Variants in VOPP1 observed in about 807,000 individuals in gnomAD.
VOPP1 encodes the protein WW domain binding protein VOPP1.
Under a neutral mutation model 23.5 loss-of-function variants are expected in VOPP1, and 8 were observed. The ratio of observed to expected loss-of-function variants is 0.34; its 90% CI spans 0.20 to 0.61. The LOEUF is 0.61. Among genes scored for constraint, VOPP1 ranks in the 20% least tolerant of loss-of-function variants. The pLI is 0.78. For synonymous variants in VOPP1, 83 were observed against 97.3 expected (o/e 0.85, Z 0.86); for missense variants, 174 against 238.1 (o/e 0.73, Z 1.77).
intron 4 of VOPP1, among the ~76,000 whole-genome samples, chr7:55,476,401 T>C (rs554570464): frequency 1.0e-4 from 13 of 124,672 alleles, no homozygotes; most frequent in Non-Finnish European, 1.9e-4. Flanking sequence ...GCCACCTCTC[T>C]AGCCCAGCTG....
At chr7:55,535,217 T>C (rs1338751081) in intron 1 of VOPP1, among the ~76,000 whole-genome samples, 1 of 152,240 alleles carries the variant, frequency 6.6e-6, no homozygotes, top group Non-Finnish European at 1.5e-5. Flanking sequence ...CAACTCCTGC[T>C]AGAAAATCTC....
At chr7:55,474,775 CAGG>C (rs1792106373) in intron 4 of VOPP1, among the ~76,000 whole-genome samples, 1 of 152,160 alleles carries the variant, frequency 6.6e-6, no homozygotes, top group Non-Finnish European at 1.5e-5. Context: ...TGGGCATGTC[CAGG>C]AGAAGGCTGC....
intron 4 of VOPP1, among the ~76,000 whole-genome samples, chr7:55,457,768 T>A (rs1791405021): frequency 6.6e-6 from 1 of 152,196 alleles, no homozygotes; most frequent in South Asian, 2.1e-4. Flanking sequence ...TTGAGAAATG[T>A]CTCTTCATGT....
intron 2 of VOPP1, among the ~76,000 whole-genome samples, chr7:55,504,342 G>A (rs1794568589): frequency 6.6e-6 from 1 of 152,204 alleles, no homozygotes. Flanking sequence ...GCTTATCACT[G>A]GCCTTCGAAT....
intron 4 of VOPP1, among the ~76,000 whole-genome samples, chr7:55,479,997 C>T (rs1022821915): frequency 2.6e-5 from 4 of 152,146 alleles, no homozygotes; most frequent in Admixed American, 1.3e-4. Context: ...TAAAATAAAA[C>T]GATCTTTTGT....
intron 2 of VOPP1, among the ~76,000 whole-genome samples, chr7:55,511,637 T>G (rs1241109055): frequency 1.3e-5 from 2 of 152,218 alleles, no homozygotes; most frequent in Non-Finnish European, 2.9e-5. Context: ...AGATGCATAT[T>G]CTGATTGCCT....
intron 1 of VOPP1, among the ~76,000 whole-genome samples, chr7:55,523,141 C>T (rs1795975893): frequency 6.6e-6 from 1 of 152,100 alleles, no homozygotes. Flanking sequence ...CCTGAGGAAC[C>T]CACTCTGCCC....
chr7:55,462,651 TTATA>T (rs1160972188), intron 4 of VOPP1, among the ~76,000 whole-genome samples: 1 of 143,776 alleles, frequency 7.0e-6, no homozygotes, highest in Non-Finnish European at 1.5e-5. Flanking sequence ...AAACTCTTGA[TTATA>T]TTTTTTTTTT....
chr7:55,453,675 C>T (rs757340144), intron 4 of VOPP1, among the ~76,000 whole-genome samples: 2 of 152,112 alleles, frequency 1.3e-5, no homozygotes, highest in Admixed American at 6.5e-5. Flanking sequence ...TCACAGATCA[C>T]CATAACAGTT....
At chr7:55,556,334 C>A (rs1394961312) in intron 1 of VOPP1, among the ~76,000 whole-genome samples, 2 of 152,228 alleles carry the variant, frequency 1.3e-5, no homozygotes, top group African/African-American at 4.8e-5. Flanking sequence ...CCTTTCTAAG[C>A]CATCCTCCAG....
At chr7:55,445,216 GACACACACACACAGACAC>G (rs1562878546) in intron 4 of VOPP1, among the ~76,000 whole-genome samples, 1 of 102,408 alleles carries the variant, frequency 9.8e-6, no homozygotes, top group African/African-American at 3.4e-5. Flanking sequence ...CACACACACA[GACACACACACACAGACAC>G]ACACACACAG....
chr7:55,487,102 C>G (rs556208832), intron 4 of VOPP1, among the ~76,000 whole-genome samples: 1 of 152,358 alleles, frequency 6.6e-6, no homozygotes, highest in African/African-American at 2.4e-5. Context: ...ACAACCGAAG[C>G]AGCCCTGTTT....
At chr7:55,482,554 C>T (rs1006350670) in intron 4 of VOPP1, among the ~76,000 whole-genome samples, 2 of 144,828 alleles carry the variant, frequency 1.4e-5, no homozygotes, top group Admixed American at 1.5e-4. Flanking sequence ...GGAGGTAGGG[C>T]GGTCTCGATC....
At chr7:55,490,783 T>C (rs1158108849) in intron 4 of VOPP1, among the ~76,000 whole-genome samples, 1 of 152,242 alleles carries the variant, frequency 6.6e-6, no homozygotes, top group African/African-American at 2.4e-5. Context: ...GGATTCAAAA[T>C]GGTACTAACC....
intron 1 of VOPP1, among the ~76,000 whole-genome samples, chr7:55,534,367 T>C (rs1394077214): frequency 6.6e-6 from 1 of 152,208 alleles, no homozygotes; most frequent in Non-Finnish European, 1.5e-5. Flanking sequence ...GGTCCTGTCA[T>C]GGTCACCTGT....
intron 4 of VOPP1, among the ~76,000 whole-genome samples, chr7:55,440,046 G>A (rs926267437): frequency 1.3e-5 from 2 of 152,326 alleles, no homozygotes; most frequent in African/African-American, 2.4e-5. Context: ...GGCAGGTTGC[G>A]TGGTAGCCTC....
intron 4 of VOPP1, among the ~76,000 whole-genome samples, chr7:55,439,453 A>G (rs763921757): frequency 6.6e-6 from 1 of 152,176 alleles, no homozygotes; most frequent in Non-Finnish European, 1.5e-5. Context: ...AGGTAGGACA[A>G]AGAGAGTCAC....
chr7:55,499,378 G>A (rs1794205065), intron 2 of VOPP1, among the ~76,000 whole-genome samples: 2 of 152,200 alleles, frequency 1.3e-5, no homozygotes, highest in Non-Finnish European at 2.9e-5. Context: ...CTTGAACCCA[G>A]GAGGCAGAGG....
chr7:55,462,101 G>A (rs1791515134), intron 4 of VOPP1, among the ~76,000 whole-genome samples: 1 of 152,184 alleles, frequency 6.6e-6, no homozygotes, highest in Non-Finnish European at 1.5e-5. Flanking sequence ...GGACAACTTT[G>A]CCGAGTATAG....
Sources: allele counts gnomAD v4.1 joint callset (sites outside exome capture counted in the v4.1 genomes callset), GRCh38; gene constraint gnomAD v4.1.1; transcripts MANE v1.5; gene names NCBI Gene and HGNC (gene_info 2026-07-23, HGNC 2026-07-21).